CTNNA2: variants seen among roughly 807,000 people sequenced by gnomAD.
CTNNA2 encodes catenin alpha-2.
In CTNNA2, 42 loss-of-function variants were observed where a neutral mutation model predicts 101.0. The ratio of observed to expected loss-of-function variants is 0.42; its 90% CI spans 0.32 to 0.54. The LOEUF (loss-of-function observed/expected upper bound fraction) is 0.54. Ranked by LOEUF, CTNNA2 falls within the 20% of genes least tolerant of loss-of-function variation. The pLI is 0.14. For missense variants in CTNNA2, 871 were observed against 1,223.1 expected, an observed-to-expected ratio of 0.71 and a Z score of 4.29; for synonymous variants, 450 against 456.4, an observed-to-expected ratio of 0.99 and a Z score of 0.18.
At position 79,945,274 on chromosome 2, in the gene CTNNA2, C is replaced by A. The variant is rs550713676; in HGVS notation, c.1056+35477C>A. Reference sequence around the variant, plus strand: ...CAGGCTGGTCTTACATTCCTGGGCTCAAGCAATCCTCCCGCCTTGACCTCC... The same window carrying A: ...CAGGCTGGTCTTACATTCCTGGGCTAAAGCAATCCTCCCGCCTTGACCTCC... On this transcript the variant is annotated intron_variant, in intron 7 of 18. Coordinates refer to ENST00000402739, the MANE Select transcript of CTNNA2 (RefSeq NM_001282597.3). Among the ~76,000 whole-genome samples, 101 of 152,228 alleles carry A rather than the reference C, an allele frequency of 6.6e-4. 1 individual carries two copies. The highest frequency in any genetic ancestry group is 1.0e-3 in the Non-Finnish European group (70 of 68,012).
rs1275093634 is a variant in CTNNA2 at position 79,779,003 on chromosome 2, G to T, written c.298+34421G>T. Reference sequence around the variant, plus strand: ...CTGTCCTAGGGTCCTAAGACATAGGGCCATTCCACTGGTTAGAAAATATTT... The same window carrying T: ...CTGTCCTAGGGTCCTAAGACATAGGTCCATTCCACTGGTTAGAAAATATTT... On this transcript the variant is annotated intron_variant, in intron 3 of 18. Coordinates refer to ENST00000402739, the MANE Select transcript of CTNNA2 (RefSeq NM_001282597.3). Among the ~76,000 whole-genome samples the T allele has an allele frequency of 5.9e-5, 9 of 151,876 alleles. No individual in the cohort carries two copies. The East Asian group carries it at 1.7e-3, about 29-fold the overall frequency.
intron 2 of CTNNA2, among the ~76,000 whole-genome samples, chr2:79,716,602 G>T (rs1686121224): frequency 6.6e-6 from 1 of 152,160 alleles, no homozygotes; most frequent in African/African-American, 2.4e-5. Flanking sequence ...GTTAATGGTA[G>T]TCTTAAGGCT....
chr2:80,196,629 T>G (rs2149007383), intron 7 of CTNNA2, among the ~76,000 whole-genome samples: 1 of 152,302 alleles, frequency 6.6e-6, no homozygotes, highest in African/African-American at 2.4e-5. Context: ...AATTTTGAGT[T>G]TCCTGCTGAA....
rs183424358 is a variant in CTNNA2 at position 79,255,557 on chromosome 2, G to C, written c.-405-57152G>C. ...TGGGTAATGGCACAAAGAAAGGATAGTATCGTAGCTGGAGAGGTGGTCGTG... is the reference window on the plus strand; with the variant it reads ...TGGGTAATGGCACAAAGAAAGGATACTATCGTAGCTGGAGAGGTGGTCGTG... On this transcript the variant is annotated intron_variant, in intron 2 of 21. Coordinates refer to the CTNNA2 transcript ENST00000466387. 8.5e-5 allele frequency among the ~76,000 whole-genome samples: 13 copies of C among 152,264 alleles called. No homozygotes were observed. In the East Asian group the frequency reaches 2.5e-3, roughly 29 times the overall value.
intron 9 of CTNNA2, among the ~76,000 whole-genome samples, chr2:80,515,339 G>T (rs921064240): frequency 1.3e-5 from 2 of 152,078 alleles, no homozygotes; most frequent in African/African-American, 4.8e-5. Flanking sequence ...ATGAAAAAAA[G>T]ATAAGATGAT....
chr2:80,560,629 AC>A (rs1693498945), intron 12 of CTNNA2, among the ~76,000 whole-genome samples: 1 of 152,100 alleles, frequency 6.6e-6, no homozygotes. Context: ...TCCAGGCAAA[AC>A]ATATCCATGC....
At chr2:80,313,905 G>A (rs79103200) in intron 7 of CTNNA2, among the ~76,000 whole-genome samples, 4,062 of 152,272 alleles carry the variant, frequency 0.027, 72 homozygotes, top group Non-Finnish European at 0.042. Context: ...TGCAATAATA[G>A]CTCTGCAGTG....
At chr2:79,605,761 A>C (rs892471112) in intron 1 of CTNNA2, among the ~76,000 whole-genome samples, 1 of 151,930 alleles carries the variant, frequency 6.6e-6, no homozygotes, top group Non-Finnish European at 1.5e-5. Flanking sequence ...GATAATAATA[A>C]TAATAATAAA....
intron 7 of CTNNA2, among the ~76,000 whole-genome samples, chr2:80,093,144 AT>A (rs1699894853): frequency 6.6e-6 from 1 of 151,894 alleles, no homozygotes; most frequent in South Asian, 2.1e-4. Context: ...TCCTAGTGCT[AT>A]CCCCCCTGCT....
At chr2:80,344,296 T>C (rs1197279318) in intron 7 of CTNNA2, among the ~76,000 whole-genome samples, 1 of 152,172 alleles carries the variant, frequency 6.6e-6, no homozygotes, top group East Asian at 1.9e-4. Flanking sequence ...CCTCAGTCTT[T>C]GGACATTTTC....
chr2:80,166,248 G>A (rs1188403260), intron 7 of CTNNA2, among the ~76,000 whole-genome samples: 1 of 152,124 alleles, frequency 6.6e-6, no homozygotes, highest in Non-Finnish European at 1.5e-5. Context: ...AGGGGATGGG[G>A]CATATTGTCA....
chr2:80,377,207 A>G (rs1676036752), intron 7 of CTNNA2, among the ~76,000 whole-genome samples: 1 of 152,224 alleles, frequency 6.6e-6, no homozygotes, highest in African/African-American at 2.4e-5. Context: ...GTAAATCCAG[A>G]TCCAGCCTAT....
intron 7 of CTNNA2, among the ~76,000 whole-genome samples, chr2:79,941,959 G>T (rs184772875): frequency 2.0e-5 from 3 of 152,084 alleles, no homozygotes; most frequent in Admixed American, 6.6e-5. Flanking sequence ...AATTCTTAAA[G>T]ATCCTACAAT....
chr2:80,062,475 G>A (rs1378233297), intron 7 of CTNNA2, among the ~76,000 whole-genome samples: 1 of 152,072 alleles, frequency 6.6e-6, no homozygotes, highest in Admixed American at 6.6e-5. Context: ...TTTTGCAAAG[G>A]CATTAACAGG....
Position 79,975,476 on chromosome 2 carries a change from C to T in CTNNA2, c.1056+65679C>T, listed in dbSNP as rs116287863. On this transcript the variant is annotated intron_variant, in intron 7 of 18. Coordinates refer to ENST00000402739, the MANE Select transcript of CTNNA2 (RefSeq NM_001282597.3). The stretch of plus-strand genomic sequence containing the variant: ...CAGCTGGGTGTCCTCTACGTCAATT[C>T]GGTTCTGACCTAGAGGTAGTGTCAG... Among the ~76,000 whole-genome samples the T allele has an allele frequency of 4.0e-3, 605 of 152,190 alleles. 4 individuals carry two copies. Among genetic ancestry groups the T allele is most frequent in the African/African-American group, 0.014 (572 of 41,542 alleles).
intron 1 of CTNNA2, chr2:79,573,677 A>G (rs1442023482): frequency 6.6e-6 from 1 of 152,222 alleles, no homozygotes; most frequent in Non-Finnish European, 1.5e-5. Flanking sequence ...ACCTTTAACA[A>G]CACAAGAAAA....
intron 7 of CTNNA2, among the ~76,000 whole-genome samples, chr2:80,038,458 C>T (rs746724209): frequency 1.1e-4 from 16 of 152,164 alleles, no homozygotes; most frequent in South Asian, 2.1e-4. Flanking sequence ...CGGTGACTCA[C>T]GCCTGTAATC....
chr2:79,609,368 T>G (rs1483074813), intron 1 of CTNNA2, among the ~76,000 whole-genome samples: 1 of 152,080 alleles, frequency 6.6e-6, no homozygotes, highest in African/African-American at 2.4e-5. Context: ...GTGCTGTATC[T>G]GTTCACCCTA....
chr2:79,938,803 A>C (rs1687956716), intron 7 of CTNNA2, among the ~76,000 whole-genome samples: 1 of 152,212 alleles, frequency 6.6e-6, no homozygotes, highest in Non-Finnish European at 1.5e-5. Flanking sequence ...GCCAAATAGT[A>C]CTCAGAATTC....
Sources: allele counts gnomAD v4.1 joint callset (sites outside exome capture counted in the v4.1 genomes callset), GRCh38; gene constraint gnomAD v4.1.1; transcripts MANE v1.5; gene names NCBI Gene and HGNC (gene_info 2026-07-23, HGNC 2026-07-21).